GTF2H5: variants seen among roughly 807,000 people sequenced by gnomAD.
The protein encoded by GTF2H5 is TFB5 ortholog.
Under a neutral mutation model 7.1 loss-of-function variants are expected in GTF2H5, and 5 were observed. The observed-to-expected ratio is 0.71, with a 90% CI of 0.37 to 1.49. The LOEUF is 1.49. GTF2H5 is among the 40% of genes most tolerant of loss of function. The pLI, the probability that GTF2H5 is intolerant of heterozygous loss-of-function variation, is 0.03. For missense variants in GTF2H5, 80 were observed against 83.0 expected (o/e 0.96, Z 0.14); for synonymous variants, 30 against 31.7 (o/e 0.95, Z 0.18).
intron 2 of GTF2H5, among the ~76,000 whole-genome samples, chr6:158,186,395 A>G (rs1310934298): frequency 1.3e-5 from 2 of 152,242 alleles, no homozygotes; most frequent in Non-Finnish European, 1.5e-5. Context: ...CTGAGAATAA[A>G]TTGGTGTCAT....
At chr6:158,184,375 G>A (rs1021925200) in intron 2 of GTF2H5, among the ~76,000 whole-genome samples, 3 of 152,190 alleles carry the variant, frequency 2.0e-5, no homozygotes, top group Non-Finnish European at 2.9e-5. Context: ...CAGAGCTGGG[G>A]TCTGGGGCTA....
intron 2 of GTF2H5, among the ~76,000 whole-genome samples, chr6:158,175,051 C>T (rs567433980): frequency 5.3e-5 from 4 of 75,302 alleles, no homozygotes; most frequent in South Asian, 3.8e-4. Flanking sequence ...TGTGTATACA[C>T]ACACACACAC....
At chr6:158,170,618 G>A in intron 2 of GTF2H5, 80 bp downstream of exon 2, 3 of 1,045,072 alleles carry the variant, frequency 2.9e-6, no homozygotes, top group East Asian at 4.8e-5. Context: ...CTAAAACCCT[G>A]TTGTTTTTAA....
At chr6:158,183,586 C>T (rs935278175) in intron 2 of GTF2H5, among the ~76,000 whole-genome samples, 5 of 152,128 alleles carry the variant, frequency 3.3e-5, no homozygotes, top group Non-Finnish European at 7.4e-5. Flanking sequence ...AGCATGGAAC[C>T]GCCTACTCAA....
rs1214062350 is a variant in GTF2H5 at position 158,193,331 on chromosome 6, C to G, written c.*1174C>G. On this transcript the variant is annotated 3_prime_UTR_variant, in exon 3 of 3. Coordinates refer to ENST00000607778, the MANE Select transcript of GTF2H5 (RefSeq NM_207118.3). ...TGTGTATATATAGCAAGAGAGAGTTCTGTGATCAATTGAAGGCAAAAACAG... is the reference window on the plus strand; with the variant it reads ...TGTGTATATATAGCAAGAGAGAGTTGTGTGATCAATTGAAGGCAAAAACAG... The G allele has an allele frequency of 6.6e-6, 1 of 151,984 alleles. No individual in the cohort carries two copies. The highest frequency in any genetic ancestry group is 1.5e-5 in the Non-Finnish European group (1 of 67,992). 9.4% of individuals were successfully genotyped at this position (151,984 alleles called of 1,614,324 possible).
intron 2 of GTF2H5, among the ~76,000 whole-genome samples, chr6:158,188,571 A>G (rs1168654472): frequency 1.3e-5 from 2 of 152,088 alleles, no homozygotes; most frequent in Non-Finnish European, 2.9e-5. Flanking sequence ...TAATTAATCA[A>G]TTGTTTACCT....
intron 1 of GTF2H5, among the ~76,000 whole-genome samples, chr6:158,169,037 C>T (rs1482945847): frequency 6.6e-6 from 1 of 151,738 alleles, no homozygotes; most frequent in East Asian, 1.9e-4. Context: ...AGTTCGAGAC[C>T]AGCCTGGCCA....
At chr6:158,174,974 G>A (rs916916410) in intron 2 of GTF2H5, among the ~76,000 whole-genome samples, 2 of 143,022 alleles carry the variant, frequency 1.4e-5, no homozygotes, top group Non-Finnish European at 3.0e-5. Flanking sequence ...GGCCATGTTC[G>A]CTGAAGTTTT....
Position 158,198,088 on chromosome 6 carries a change from A to G in GTF2H5, c.*5931A>G, listed in dbSNP as rs537676964. On this transcript the variant is annotated 3_prime_UTR_variant, in exon 3 of 3. Coordinates refer to ENST00000607778, the MANE Select transcript of GTF2H5 (RefSeq NM_207118.3). ...GAAACTGAGTTACCTTGAATCTAGA[A>G]GAGTACAATGATAAAGGGGAAGATA... 15 of 152,352 alleles carry G rather than the reference A, an allele frequency of 9.8e-5. No individual in the cohort carries two copies. The East Asian group carries it at 1.7e-3, about 18-fold the overall frequency. 9.4% of individuals were successfully genotyped at this position (152,352 alleles called of 1,614,324 possible).
chr6:158,184,789 T>C (rs73794541), intron 2 of GTF2H5, among the ~76,000 whole-genome samples: 2,289 of 152,328 alleles, frequency 0.015, 64 homozygotes, highest in African/African-American at 0.052. Flanking sequence ...TTCTGATGGA[T>C]TGTCAGTGCT....
rs118000494 is a variant in GTF2H5 at position 158,170,266 on chromosome 6, A to C, written c.-34-204A>C. Among the ~76,000 whole-genome samples, 3,472 of 152,234 alleles carry C rather than the reference A, an allele frequency of 0.023. 51 individuals are homozygous for C. Among genetic ancestry groups the C allele is most frequent in the Middle Eastern group, 0.068 (20 of 294 alleles). On this transcript the variant is annotated intron_variant, in intron 1 of 2. Transcript: ENST00000607778. Reference sequence around the variant, plus strand: ...CTTGGGTAGAATTGGCTGGCGAGTAAGATGTGGCATTAATATTCCAAGTAG... The same window carrying C: ...CTTGGGTAGAATTGGCTGGCGAGTACGATGTGGCATTAATATTCCAAGTAG...
At chr6:158,169,136 A>C (rs1003750438) in intron 1 of GTF2H5, among the ~76,000 whole-genome samples, 2 of 149,988 alleles carry the variant, frequency 1.3e-5, no homozygotes, top group African/African-American at 2.5e-5. Flanking sequence ...TGGGAGGCTG[A>C]GGCAGGAGAA....
chr6:158,170,470 C>T lies in GTF2H5; in HGVS notation c.-34C>T. ...AATGTTACCTTACTCTTTTTATTAG[C>T]ATTCTTCAGGTCATCTGAACCTTCT... On this transcript the variant is annotated splice_region_variant and 5_prime_UTR_variant, in exon 2 of 3. Transcript: ENST00000607778. The T allele has an allele frequency of 1.9e-6, 3 of 1,558,514 alleles. No individual in the cohort carries two copies. Among genetic ancestry groups the T allele is most frequent in the Non-Finnish European group, 2.7e-6 (3 of 1,129,222 alleles).
intron 2 of GTF2H5, among the ~76,000 whole-genome samples, chr6:158,181,205 T>G (rs1786006165): frequency 6.6e-6 from 1 of 152,190 alleles, no homozygotes; most frequent in Non-Finnish European, 1.5e-5. Context: ...TAATCCTGAG[T>G]TCTAATTTGA....
intron 1 of GTF2H5, among the ~76,000 whole-genome samples, chr6:158,169,503 T>A (rs1562468416): frequency 2.7e-5 from 2 of 73,318 alleles, no homozygotes; most frequent in African/African-American, 5.8e-5. Flanking sequence ...TATTATATAA[T>A]ATATTGTATA....
At chr6:158,172,483 A>G (rs1052953115) in intron 2 of GTF2H5, among the ~76,000 whole-genome samples, 1 of 152,010 alleles carries the variant, frequency 6.6e-6, no homozygotes. Context: ...TATTTTTAGT[A>G]GAAATGGGGT....
rs112780535 is a variant in GTF2H5, at chr6:158,175,044, G to A, written c.35+4506G>A. On this transcript the variant is annotated intron_variant, in intron 2 of 2. Transcript: ENST00000607778. ...TGTGTGTGTGTGTGTGTGTGTGTGT[G>A]TATACACACACACACACATACACAT... Among the ~76,000 whole-genome samples the A allele has an allele frequency of 1.5e-3, 218 of 142,754 alleles. 2 individuals are homozygous for A. The highest frequency in any genetic ancestry group is 6.7e-3 in the South Asian group (30 of 4,508). The allele number at this position is 142,754 out of a possible 152,430, so 93.7% of individuals were successfully genotyped here. A position where few individuals can be genotyped will look rare whatever the true frequency, so the allele number is the denominator to read the frequency against.
chr6:158,169,570 T>TGTATATTATATATAATATAC (rs1562468667), intron 1 of GTF2H5, among the ~76,000 whole-genome samples: 3 of 62,278 alleles, frequency 4.8e-5, no homozygotes, highest in Non-Finnish European at 7.5e-5. Flanking sequence ...ATATAATATA[T>TGTATATTATATATAATATAC]TGTATATTAT....
intron 2 of GTF2H5, among the ~76,000 whole-genome samples, chr6:158,187,146 C>A (rs1776941755): frequency 6.6e-6 from 1 of 152,014 alleles, no homozygotes; most frequent in South Asian, 2.1e-4. Context: ...AAGCGCCTGC[C>A]ACCACGCCCG....
Sources: gnomAD v4.1 joint callset for allele counts (sites outside exome capture counted in the v4.1 genomes callset) on GRCh38, gnomAD v4.1.1 for gene constraint, MANE v1.5 for transcripts, NCBI Gene and HGNC (gene_info 2026-07-23, HGNC 2026-07-21) for gene names.